UGT1A4: variants seen among roughly 807,000 people sequenced by gnomAD.
The protein encoded by UGT1A4 is UDP-glucuronosyltransferase 1A4.
A neutral mutation model predicts 41.1 loss-of-function variants in UGT1A4; 32 were observed. The ratio of observed to expected loss-of-function variants is 0.78; its 90% CI spans 0.59 to 1.05. The LOEUF is 1.05. Among genes scored for constraint, UGT1A4 ranks in the 50% least tolerant of loss-of-function variants. The probability of loss-of-function intolerance (pLI) is 0.00; values close to 1 mark genes in which losing one functional copy is unlikely to be tolerated. For synonymous variants in UGT1A4, 283 were observed against 265.1 expected (o/e 1.07, Z -0.66); for missense variants, 748 against 677.4 (o/e 1.10, Z -1.16).
chr2:233,729,600 G>A (rs751884181), intron 1 of UGT1A4: 13 of 1,613,992 alleles, frequency 8.1e-6, no homozygotes, highest in South Asian at 2.2e-5. Context: ...ACCTCTGCGC[G>A]GCAGTGCTGG....
chr2:233,728,715 G>A (rs1198511958), intron 1 of UGT1A4, among the ~76,000 whole-genome samples: 1 of 152,204 alleles, frequency 6.6e-6, no homozygotes, highest in African/African-American at 2.4e-5. Context: ...GTCACATCCA[G>A]CAGAGAGCAT....
intron 1 of UGT1A4, among the ~76,000 whole-genome samples, chr2:233,749,862 T>G (rs1409437282): frequency 1.3e-5 from 2 of 151,992 alleles, no homozygotes; most frequent in Non-Finnish European, 2.9e-5. Flanking sequence ...TCTCACTTTC[T>G]GCCAGGATTA....
chr2:233,761,173 T>C (rs771182197), intron 1 of UGT1A4: 2 of 1,614,246 alleles, frequency 1.2e-6, no homozygotes, highest in South Asian at 2.2e-5. Context: ...AGTGGGACTT[T>C]TACATGCGTA....
intron 1 of UGT1A4, among the ~76,000 whole-genome samples, chr2:233,742,394 T>C (rs553013500): frequency 6.6e-6 from 1 of 152,130 alleles, no homozygotes; most frequent in South Asian, 2.1e-4. Flanking sequence ...GCTCATGTTA[T>C]TATTTGTAGT....
chr2:233,743,245 C>T, intron 1 of UGT1A4: 3 of 429,418 alleles, frequency 7.0e-6, no homozygotes, highest in Admixed American at 3.0e-5. Context: ...AGGACTTTAA[C>T]TCAACTCTCC....
At chr2:233,752,573 T>C (rs1337077118) in intron 1 of UGT1A4, 4 of 152,170 alleles carry the variant, frequency 2.6e-5, no homozygotes, top group Admixed American at 2.6e-4. Flanking sequence ...TGGGTCAACA[T>C]CATTCCCATC....
In UGT1A4 at chr2:233,760,429, C is replaced by G. The variant is rs747942373; in HGVS notation, c.868-6605C>G. 87 of 1,614,090 alleles carry G rather than the reference C, an allele frequency of 5.4e-5. No homozygotes were observed. The highest frequency in any genetic ancestry group is 6.6e-5 in the Non-Finnish European group (78 of 1,180,040). On this transcript the variant is annotated intron_variant, in intron 1 of 4. Coordinates refer to ENST00000373409, the MANE Select transcript of UGT1A4 (RefSeq NM_007120.3). The stretch of plus-strand genomic sequence containing the variant: ...CTGGCTGAGCATGCTTGGGGCCATC[C>G]AGCAGCTGCAGCAGAGGGGACATGA...
chr2:233,765,491 C>T (rs1438228783), intron 1 of UGT1A4, among the ~76,000 whole-genome samples: 1 of 152,094 alleles, frequency 6.6e-6, no homozygotes, highest in African/African-American at 2.4e-5. Flanking sequence ...TCATCCTCCA[C>T]AAACTAACAC....
intron 1 of UGT1A4, chr2:233,739,100 G>C (rs1263190228): frequency 6.6e-6 from 1 of 152,274 alleles, no homozygotes; most frequent in African/African-American, 2.4e-5. Context: ...TCGATGTGGT[G>C]TTGGGCCTGC....
chr2:233,769,433 A>G lies in UGT1A4; in HGVS notation c.1307+994A>G. The G allele has an allele frequency of 6.5e-7, 1 of 1,549,602 alleles. No homozygotes were observed. Among genetic ancestry groups the G allele is most frequent in the Non-Finnish European group, 8.9e-7 (1 of 1,128,216 alleles). ...TGCGTTTGTGCATGTGGCTGTGCTC[A>G]TGTGTGGGTGCACACGTGTGCATTC... is the stretch of plus-strand genomic sequence containing the variant. On this transcript the variant is annotated intron_variant, in intron 4 of 4. Coordinates refer to ENST00000373409, the MANE Select transcript of UGT1A4 (RefSeq NM_007120.3). This position sits in a 1 kb window ranked among gnomAD's most constrained non-coding sequence, Gnocchi z 4.4.
intron 1 of UGT1A4, among the ~76,000 whole-genome samples, chr2:233,757,619 A>G (rs1437494515): frequency 1.3e-5 from 2 of 148,966 alleles, no homozygotes; most frequent in African/African-American, 2.5e-5. Flanking sequence ...CTGCTAAAAG[A>G]TACAAGGCAG....
chr2:233,755,356 C>T, intron 1 of UGT1A4: 1 of 377,544 alleles, frequency 2.6e-6, no homozygotes, highest in Non-Finnish European at 4.9e-6. Context: ...GCTTGGCGAC[C>T]TGGGCCGCCT....
At position 233,718,851 on chromosome 2, in the gene UGT1A4, C is replaced by T. The variant is rs3892221; in HGVS notation, c.31C>T (p.Arg11Trp). MARGLQVPLPRLATGLLLLLS... is the reference protein window; with the variant it reads MARGLQVPLPWLATGLLLLLS... ...CAGAGGACTCCAGGTTCCCCTGCCGCGGCTGGCCACAGGACTGCTGCTCCT... is the reference window on the plus strand; with the variant it reads ...CAGAGGACTCCAGGTTCCCCTGCCGTGGCTGGCCACAGGACTGCTGCTCCT... The change falls in exon 1 of 5, where the codon CGG (arginine) becomes TGG (tryptophan). Residue 11 changes from arginine (R) to tryptophan (W), a missense_variant. Arg to Trp is a moderately radical substitution (Grantham distance 101). Coordinates refer to ENST00000373409, the MANE Select transcript of UGT1A4 (RefSeq NM_007120.3). 4,964 of 1,613,706 alleles carry T rather than the reference C, an allele frequency of 3.1e-3. 102 individuals carry two copies. The African/African-American group carries it at 0.045, about 15-fold the overall frequency.
intron 1 of UGT1A4, among the ~76,000 whole-genome samples, chr2:233,765,063 G>T (rs1333981989): frequency 6.6e-6 from 1 of 152,054 alleles, no homozygotes; most frequent in African/African-American, 2.4e-5. Context: ...CCCTGTCAGA[G>T]GTCTCCTGTG....
intron 1 of UGT1A4, among the ~76,000 whole-genome samples, chr2:233,758,259 G>T (rs1163749283): frequency 6.6e-6 from 1 of 152,184 alleles, no homozygotes; most frequent in Non-Finnish European, 1.5e-5. Context: ...AGATTAGTAA[G>T]TATTTCTTGG....
At chr2:233,756,025 C>T (rs1696093592) in intron 1 of UGT1A4, 1 of 152,194 alleles carries the variant, frequency 6.6e-6, no homozygotes, top group African/African-American at 2.4e-5. Context: ...TTACACATCC[C>T]CCATGTAGCT....
chr2:233,766,390 C>T (rs11679312), intron 1 of UGT1A4, among the ~76,000 whole-genome samples: 2,966 of 152,260 alleles, frequency 0.019, 34 homozygotes, highest in Non-Finnish European at 0.031. Context: ...GTCCAGCTGT[C>T]CTTGCGTCCC....
At chr2:233,741,911 A>C (rs909136076) in intron 1 of UGT1A4, 2 of 151,838 alleles carry the variant, frequency 1.3e-5, no homozygotes, top group African/African-American at 4.9e-5. Flanking sequence ...GTGATGGAAA[A>C]GGTCTTCATT....
In UGT1A4 at chr2:233,743,247, C is replaced by T. The variant is rs569147758; in HGVS notation, c.867+23560C>T. The T allele has an allele frequency of 9.0e-4, 388 of 431,248 alleles. 10 individuals are homozygous for T. The highest frequency in any genetic ancestry group is 7.4e-3 in the African/African-American group (352 of 47,686). 26.7% of individuals were successfully genotyped at this position (431,248 alleles called of 1,614,324 possible). ...CTATTTATTATGAAGGACTTTAACTCAACTCTCCATCTTCCTCCACTTCCA... is the reference window on the plus strand; with the variant it reads ...CTATTTATTATGAAGGACTTTAACTTAACTCTCCATCTTCCTCCACTTCCA... On this transcript the variant is annotated intron_variant, in intron 1 of 4. Transcript: ENST00000373409.
Sources: allele counts gnomAD v4.1 joint callset (sites outside exome capture counted in the v4.1 genomes callset), GRCh38; gene constraint gnomAD v4.1.1; non-coding constraint Gnocchi (gnomAD v3.1); transcripts MANE v1.5; gene names NCBI Gene and HGNC (gene_info 2026-07-23, HGNC 2026-07-21).